Variants in TRPM3 observed in about 807,000 individuals in gnomAD.
TRPM3 encodes long transient receptor potential channel 3.
A neutral mutation model predicts 181.2 loss-of-function variants in TRPM3; 77 were observed. The ratio of observed to expected loss-of-function variants is 0.42; its 90% CI spans 0.35 to 0.51. The LOEUF is 0.51. Among genes scored for constraint, TRPM3 ranks in the 20% least tolerant of loss-of-function variants. The probability of loss-of-function intolerance (pLI) is 0.01; values close to 1 mark genes in which losing one functional copy is unlikely to be tolerated. For synonymous variants in TRPM3, 745 were observed against 796.4 expected (o/e 0.94, Z 1.09); for missense variants, 1,759 against 2,196.7 (o/e 0.80, Z 3.98).
At chr9:70,795,399 T>C (rs1232509827) in intron 6 of TRPM3, among the ~76,000 whole-genome samples, 1 of 152,234 alleles carries the variant, frequency 6.6e-6, no homozygotes, top group African/African-American at 2.4e-5. Flanking sequence ...CTCGTTTGAA[T>C]GTATAAATGA....
At chr9:70,771,338 G>T (rs1415104556) in intron 7 of TRPM3, among the ~76,000 whole-genome samples, 2 of 152,152 alleles carry the variant, frequency 1.3e-5, no homozygotes, top group Non-Finnish European at 2.9e-5. Flanking sequence ...TGCTTAAGAT[G>T]ATATAGCTGG....
intron 1 of TRPM3, among the ~76,000 whole-genome samples, chr9:70,994,555 C>G (rs908285555): frequency 7.9e-5 from 12 of 151,946 alleles, no homozygotes; most frequent in African/African-American, 2.2e-4. Context: ...TTTCCTGAAG[C>G]TGGCTCTGCC....
At chr9:71,325,076 G>C (rs1213100592) in intron 1 of TRPM3, among the ~76,000 whole-genome samples, 1 of 152,062 alleles carries the variant, frequency 6.6e-6, no homozygotes, top group Non-Finnish European at 1.5e-5. Flanking sequence ...GTACTCAGGT[G>C]ATGGGTACCT....
intron 6 of TRPM3, chr9:70,810,121 A>AC (rs761312568): frequency 3.2e-5 from 17 of 523,102 alleles, no homozygotes; most frequent in Non-Finnish European, 6.6e-5. Context: ...GCTTGCCTCC[A>AC]CCCCCACCCT....
At chr9:71,444,946 C>T (rs2094183860) in intron 1 of TRPM3, among the ~76,000 whole-genome samples, 1 of 152,220 alleles carries the variant, frequency 6.6e-6, no homozygotes, top group African/African-American at 2.4e-5. Flanking sequence ...TTTGCCTTAA[C>T]TGGTTTTTAA....
intron 3 of TRPM3, among the ~76,000 whole-genome samples, chr9:70,847,529 A>AG (rs112116145): frequency 0.57 from 86,088 of 151,874 alleles, 24,766 homozygotes; most frequent in Non-Finnish European, 0.58. Flanking sequence ...AAACCCTGGA[A>AG]GACCTAGAGC....
At chr9:71,034,510 G>C (rs1381315172) in intron 1 of TRPM3, among the ~76,000 whole-genome samples, 1 of 152,052 alleles carries the variant, frequency 6.6e-6, no homozygotes, top group East Asian at 1.9e-4. Flanking sequence ...TGAGATGTTA[G>C]AGGCATCCCA....
At chr9:70,646,166 C>T (rs1481046334) in intron 9 of TRPM3, among the ~76,000 whole-genome samples, 2 of 152,188 alleles carry the variant, frequency 1.3e-5, no homozygotes, top group African/African-American at 4.8e-5. Context: ...GACAGTGTGG[C>T]GATTCCTCAA....
At chr9:71,129,646 G>A (rs950075880) in intron 1 of TRPM3, among the ~76,000 whole-genome samples, 3 of 152,146 alleles carry the variant, frequency 2.0e-5, no homozygotes, top group African/African-American at 7.2e-5. Flanking sequence ...TATAACCCAT[G>A]CTTTTACCCA....
At chr9:71,416,107 A>G (rs556294644) in intron 1 of TRPM3, among the ~76,000 whole-genome samples, 30 of 151,900 alleles carry the variant, frequency 2.0e-4, no homozygotes, top group African/African-American at 6.7e-4. Flanking sequence ...TTCACAAAGA[A>G]AAAAGACCTG....
intron 1 of TRPM3, among the ~76,000 whole-genome samples, chr9:70,982,009 C>T (rs1395050538): frequency 1.3e-5 from 2 of 152,166 alleles, no homozygotes; most frequent in Admixed American, 6.5e-5. Flanking sequence ...TACAAAGTTT[C>T]CTGACATTTC....
rs115938856 is a variant in TRPM3 at position 70,700,637 on chromosome 9, A to C, written c.1273-19059T>G. On this transcript the variant is annotated intron_variant, in intron 8 of 25. Transcript: ENST00000677713. Reference sequence around the variant, plus strand: ...GATTTGGCAAAACTTATAGGCTGTCAACAGCTTTTTAGACGATAACTGCCA... The same window carrying C: ...GATTTGGCAAAACTTATAGGCTGTCCACAGCTTTTTAGACGATAACTGCCA... Among the ~76,000 whole-genome samples, 1,399 of 152,340 alleles carry C rather than the reference A, an allele frequency of 9.2e-3. 19 individuals are homozygous for C. Among genetic ancestry groups the C allele is most frequent in the African/African-American group, 0.032 (1,326 of 41,576 alleles).
chr9:71,222,748 G>T (rs138048337), intron 1 of TRPM3, among the ~76,000 whole-genome samples: 2 of 152,194 alleles, frequency 1.3e-5, no homozygotes, highest in African/African-American at 4.8e-5. Context: ...GAATCTGTGT[G>T]CTTGGGGAAG....
chr9:71,240,845 G>C (rs567779281), intron 1 of TRPM3, among the ~76,000 whole-genome samples: 1 of 152,256 alleles, frequency 6.6e-6, no homozygotes, highest in East Asian at 1.9e-4. Context: ...AATTCATAGA[G>C]TAGTATCTAG....
At chr9:71,008,249 C>T (rs553467483) in intron 1 of TRPM3, among the ~76,000 whole-genome samples, 133 of 151,936 alleles carry the variant, frequency 8.8e-4, no homozygotes, top group African/African-American at 3.1e-3. Flanking sequence ...AGACCAATAA[C>T]GAGTAACAAG....
chr9:70,845,187 A>G (rs2094902604), intron 4 of TRPM3, among the ~76,000 whole-genome samples: 1 of 151,810 alleles, frequency 6.6e-6, no homozygotes, highest in African/African-American at 2.4e-5. Context: ...TGTAGGTCTT[A>G]CTCAAACAGC....
intron 1 of TRPM3, among the ~76,000 whole-genome samples, chr9:71,246,469 G>C (rs1350168244): frequency 6.6e-6 from 1 of 152,026 alleles, no homozygotes; most frequent in Non-Finnish European, 1.5e-5. Context: ...ACATGGTTCC[G>C]GAAAATGAGA....
chr9:70,986,784 T>C (rs145371141), intron 1 of TRPM3, among the ~76,000 whole-genome samples: 1 of 152,274 alleles, frequency 6.6e-6, no homozygotes, highest in Non-Finnish European at 1.5e-5. Flanking sequence ...TTTAGATCTC[T>C]GGTATCAGAA....
chr9:71,292,216 G>A (rs1458802156), intron 1 of TRPM3, among the ~76,000 whole-genome samples: 8 of 152,040 alleles, frequency 5.3e-5, no homozygotes, highest in African/African-American at 1.7e-4. Flanking sequence ...AAGAAAGGTA[G>A]ATAATGCATA....
Sources: gnomAD v4.1 joint callset for allele counts (sites outside exome capture counted in the v4.1 genomes callset) on GRCh38, gnomAD v4.1.1 for gene constraint, MANE v1.5 for transcripts, NCBI Gene and HGNC (gene_info 2026-07-23, HGNC 2026-07-21) for gene names.